The following CIITA variants were observed in gnomAD, a reference collection of about 807,000 sequenced individuals.
CIITA encodes the protein MHC class II transactivator.
Under a neutral mutation model 115.1 loss-of-function variants are expected in CIITA, and 72 were observed. The ratio of observed to expected loss-of-function variants is 0.63; its 90% CI spans 0.52 to 0.76. The LOEUF is 0.76. Ranked by LOEUF, CIITA falls within the 30% of genes least tolerant of loss-of-function variation. CIITA has a pLI of 0.00. For missense variants in CIITA, 1,617 were observed against 1,463.8 expected, an observed-to-expected ratio of 1.10 and a Z score of -1.71; for synonymous variants, 763 against 635.6, an observed-to-expected ratio of 1.20 and a Z score of -3.02.
Position 10,922,450 on chromosome 16 carries a change from G to T in CIITA, c.3277G>T (p.Ala1093Ser). 1 of 1,614,136 alleles carries T rather than the reference G, an allele frequency of 6.2e-7. No individual in the cohort carries two copies. The highest frequency in any genetic ancestry group is 8.5e-7 in the Non-Finnish European group (1 of 1,180,018). ...KFTAAGAQQL[A>S]ASLRRCPHVE... ...CACGGCTGCCGGGGCCCAGCAGCTCGCTGCCAGCCTTCGGAGGTGTCCTCA... is the reference window on the plus strand; with the variant it reads ...CACGGCTGCCGGGGCCCAGCAGCTCTCTGCCAGCCTTCGGAGGTGTCCTCA... The change falls in exon 18 of 20, where the codon GCT (alanine) becomes TCT (serine). Residue 1093 changes from alanine (A) to serine (S), a missense_variant. Coordinates refer to ENST00000324288, the MANE Select transcript of CIITA (RefSeq NM_000246.4).
upstream of CIITA, among the ~76,000 whole-genome samples, chr16:10,873,944 T>C (rs140818474): frequency 1.5e-3 from 224 of 152,184 alleles, no homozygotes; most frequent in African/African-American, 5.2e-3. Flanking sequence ...GCAAGAGTTT[T>C]TTGTTGTTGC....
intron 5 of CIITA, among the ~76,000 whole-genome samples, chr16:10,899,880 T>G (rs1007570222): frequency 1.3e-5 from 2 of 152,036 alleles, no homozygotes; most frequent in Non-Finnish European, 2.9e-5. Flanking sequence ...AGGAGTTTGA[T>G]ACCTGCCTGG....
intron 1 of CIITA, among the ~76,000 whole-genome samples, chr16:10,894,682 C>T (rs1269597427): frequency 6.6e-6 from 1 of 152,154 alleles, no homozygotes; most frequent in Admixed American, 6.5e-5. Context: ...CTTCAGTTTA[C>T]ATATTAGGAA....
At chr16:10,915,206 C>T in intron 13 of CIITA, 1 of 379,070 alleles carries the variant, frequency 2.6e-6, no homozygotes, top group Non-Finnish European at 5.1e-6. Flanking sequence ...CACACCACCA[C>T]ACTTGGCTAA....
chr16:10,898,216 T>C (rs564663323), intron 3 of CIITA, among the ~76,000 whole-genome samples: 2 of 152,320 alleles, frequency 1.3e-5, no homozygotes, highest in South Asian at 4.1e-4. Flanking sequence ...GCCTACTGTA[T>C]ACCAGCTACT....
At chr16:10,873,211 C>T (rs1196102017), upstream of CIITA, among the ~76,000 whole-genome samples, 1 of 152,164 alleles carries the variant, frequency 6.6e-6, no homozygotes, top group East Asian at 1.9e-4. Flanking sequence ...TGGGCTCAAG[C>T]GACATACCTG....
chr16:10,917,481 A>AT (rs36011152), intron 15 of CIITA, among the ~76,000 whole-genome samples: 32,529 of 132,720 alleles, frequency 0.25, 4,222 homozygotes, highest in Middle Eastern at 0.39. Context: ...GTTCAATGGG[A>AT]TTTTTTTTTT....
rs1410162591 is a variant in CIITA, at chr16:10,934,693, A to T, written c.*10838A>T. The T allele has an allele frequency of 1.3e-5, 2 of 152,142 alleles. No individual in the cohort carries two copies. The highest frequency in any genetic ancestry group is 1.3e-4 in the Admixed American group (2 of 15,262). 9.4% of individuals were successfully genotyped at this position (152,142 alleles called of 1,614,324 possible). A position where few individuals can be genotyped will look rare whatever the true frequency, so the allele number is the denominator to read the frequency against. On this transcript the variant is annotated 3_prime_UTR_variant, in exon 20 of 20. Coordinates refer to ENST00000324288, the MANE Select transcript of CIITA (RefSeq NM_000246.4). This position sits in a 1 kb window ranked among gnomAD's most constrained non-coding sequence, Gnocchi z 4.2. The stretch of plus-strand genomic sequence containing the variant: ...CACAGGGTGATGCTTGGGGCAGGTG[A>T]TGGAGATGTGGGAGAGGCAGTTATT...
chr16:10,884,441 G>A (rs1029601222), intron 1 of CIITA, among the ~76,000 whole-genome samples: 3 of 152,126 alleles, frequency 2.0e-5, no homozygotes, highest in Non-Finnish European at 4.4e-5. Flanking sequence ...ATGAGACAAA[G>A]TCTCACTCTG....
upstream of CIITA, among the ~76,000 whole-genome samples, chr16:10,873,657 G>A (rs893502152): frequency 6.6e-5 from 10 of 152,120 alleles, no homozygotes; most frequent in Non-Finnish European, 1.3e-4. Flanking sequence ...GCAAGGACCG[G>A]CAATTTTTCC....
rs769140062 is a variant in CIITA at position 10,907,336 on chromosome 16, G to A, written c.1844G>A (p.Arg615Gln). 13 of 1,613,404 alleles carry A rather than the reference G, an allele frequency of 8.1e-6. No homozygotes were observed. The highest frequency in any genetic ancestry group is 2.2e-5 in the East Asian group (1 of 44,884). ...LSHSHSPTLCRAVCQLSEALL... is the reference protein window; with the variant it reads ...LSHSHSPTLCQAVCQLSEALL... ...CACAGCCACAGCCCTACTTTGTGCC[G>A]GGCAGTGTGCCAGCTCTCAGAGGCC... is the stretch of plus-strand genomic sequence containing the variant. The change falls in exon 11 of 20, where the codon CGG becomes CAG. Residue 615 changes from arginine to glutamine, a missense_variant. Coordinates refer to ENST00000324288, the MANE Select transcript of CIITA (RefSeq NM_000246.4). This position sits in a 1 kb window ranked among gnomAD's most constrained non-coding sequence, Gnocchi z 5.0.
At position 10,928,801 on chromosome 16, in the gene CIITA, T is replaced by A. The variant is rs1054714682; in HGVS notation, c.*4946T>A. Reference sequence around the variant, plus strand: ...CTGGGGCAGACTCTCTCAACCCCACTGGATCTTCTGCTGTTTGTCAGCCAC... The same window carrying A: ...CTGGGGCAGACTCTCTCAACCCCACAGGATCTTCTGCTGTTTGTCAGCCAC... On this transcript the variant is annotated 3_prime_UTR_variant, in exon 20 of 20. Coordinates refer to ENST00000324288, the MANE Select transcript of CIITA (RefSeq NM_000246.4). 13 of 152,402 alleles carry A rather than the reference T, an allele frequency of 8.5e-5. No homozygotes were observed. The highest frequency in any genetic ancestry group is 3.1e-4 in the African/African-American group (13 of 41,432). 9.4% of individuals were successfully genotyped at this position (152,402 alleles called of 1,614,324 possible).
intron 1 of CIITA, among the ~76,000 whole-genome samples, chr16:10,885,080 C>G (rs2036805137): frequency 6.6e-6 from 1 of 152,082 alleles, no homozygotes. Context: ...GTAGTGGGGC[C>G]TCTGGTAACA....
At chr16:10,903,614 C>A in intron 8 of CIITA, 117 bp from the exon 9 acceptor site, 1 of 1,087,900 alleles carries the variant, frequency 9.2e-7, no homozygotes, top group Non-Finnish European at 1.4e-6. Context: ...GGAAGTTCTA[C>A]TCTCTTCTCT....
intron 1 of CIITA, among the ~76,000 whole-genome samples, chr16:10,868,548 A>G (rs753114762): frequency 6.6e-6 from 1 of 152,162 alleles, no homozygotes; most frequent in Non-Finnish European, 1.5e-5. Context: ...GCAAAGGGGC[A>G]TCTTTACCAC....
Position 10,901,897 on chromosome 16 carries a change from T to A in CIITA, c.482-141T>A, listed in dbSNP as rs2038796913. On this transcript the variant is annotated intron_variant, in intron 6 of 19. Coordinates refer to ENST00000324288, the MANE Select transcript of CIITA (RefSeq NM_000246.4). This position sits in a 1 kb window ranked among gnomAD's most constrained non-coding sequence, Gnocchi z 6.8. ...CTGCCTGGCACAGAGCAGTTGCTGA[T>A]CAACACAGCTGCAGCCAGGGCTGAG... is the stretch of plus-strand genomic sequence containing the variant. 1 of 1,234,298 alleles carries A rather than the reference T, an allele frequency of 8.1e-7. No individual in the cohort carries two copies. Among genetic ancestry groups the A allele is most frequent in the Non-Finnish European group, 1.2e-6 (1 of 856,022 alleles). 76.5% of individuals were successfully genotyped at this position (1,234,298 alleles called of 1,614,324 possible). A position where few individuals can be genotyped will look rare whatever the true frequency, so the allele number is the denominator to read the frequency against.
intron 1 of CIITA, among the ~76,000 whole-genome samples, chr16:10,877,849 G>A (rs78357738): frequency 0.016 from 2,407 of 152,272 alleles, 45 homozygotes; most frequent in Non-Finnish European, 0.022. Flanking sequence ...GAGAGCTGGC[G>A]GATGCTGCCC....
intron 1 of CIITA, among the ~76,000 whole-genome samples, chr16:10,878,359 A>G (rs2036048103): frequency 6.6e-6 from 1 of 152,164 alleles, no homozygotes; most frequent in Admixed American, 6.5e-5. Flanking sequence ...GAGGAAATTC[A>G]GGCCTGAAAA....
At chr16:10,866,446 C>T in intron 1 of CIITA, 1 of 566,830 alleles carries the variant, frequency 1.8e-6, no homozygotes. Flanking sequence ...TAGTGAGGCT[C>T]TGGCCAGGAA....
Sources: allele counts gnomAD v4.1 joint callset (sites outside exome capture counted in the v4.1 genomes callset), GRCh38; gene constraint gnomAD v4.1.1; non-coding constraint Gnocchi (gnomAD v3.1); transcripts MANE v1.5; gene names NCBI Gene and HGNC (gene_info 2026-07-23, HGNC 2026-07-21).